Variants in YTHDF3 observed in about 807,000 individuals in gnomAD.
YTHDF3 encodes YTH N6-methyladenosine RNA binding protein F3.
A neutral mutation model predicts 52.5 loss-of-function variants in YTHDF3; 9 were observed. The ratio of observed to expected loss-of-function variants is 0.17; its 90% CI spans 0.10 to 0.30. YTHDF3 has a LOEUF of 0.30. Ranked by LOEUF, YTHDF3 falls within the 10% of genes least tolerant of loss-of-function variation. The probability of loss-of-function intolerance (pLI) is 1.00; values close to 1 mark genes in which losing one functional copy is unlikely to be tolerated. For synonymous variants in YTHDF3, 274 were observed against 243.3 expected, an observed-to-expected ratio of 1.13 and a Z score of -1.18; for missense variants, 534 against 715.0, an observed-to-expected ratio of 0.75 and a Z score of 2.89.
chr8:63,209,623 T>C (rs1365439751), intron 4 of YTHDF3, 60 bp from the exon 5 acceptor site: 1 of 1,466,328 alleles, frequency 6.8e-7, no homozygotes, highest in Non-Finnish European at 9.1e-7. Context: ...TTTAAATCTT[T>C]AAATAATGAG....
chr8:63,173,213 T>TATATATATATATATATATAC (rs947970396), intron 2 of YTHDF3, among the ~76,000 whole-genome samples: 7 of 146,102 alleles, frequency 4.8e-5, no homozygotes, highest in African/African-American at 1.9e-4. Context: ...TATATATATA[T>TATATATATATATATATATAC]ACAGATAAAT....
intron 2 of YTHDF3, among the ~76,000 whole-genome samples, chr8:63,172,459 G>C (rs1807393552): frequency 1.3e-5 from 2 of 152,028 alleles, no homozygotes; most frequent in Admixed American, 1.3e-4. Flanking sequence ...GTTAAATTTG[G>C]CTAAGTTTTA....
rs546709337 is a variant in YTHDF3, at chr8:63,186,995, A to G, written c.984A>G (p.Pro328=). Residue 328 remains proline (P), a synonymous_variant, in exon 4 of 5, where the codon CCA becomes CCG. Transcript: ENST00000539294. ...AACAGCAGCCTCAACCACCACAACCACAGCAGCAACAAGGACCTCAGCCAC... is the reference window on the plus strand; with the variant it reads ...AACAGCAGCCTCAACCACCACAACCGCAGCAGCAACAAGGACCTCAGCCAC... ...LPQQQPQPPQ[P]QQQQGPQPQA... 47 of 1,613,654 alleles carry G rather than the reference A, an allele frequency of 2.9e-5. 2 individuals carry two copies. The South Asian group carries it at 4.9e-4, about 17-fold the overall frequency.
chr8:63,188,349 C>T (rs912765905), intron 4 of YTHDF3, among the ~76,000 whole-genome samples: 2 of 150,744 alleles, frequency 1.3e-5, no homozygotes, highest in Admixed American at 6.6e-5. Context: ...AATTTTTTTT[C>T]AGACAGGGTC....
chr8:63,198,454 A>G (rs1809379504), intron 4 of YTHDF3, among the ~76,000 whole-genome samples: 1 of 152,128 alleles, frequency 6.6e-6, no homozygotes, highest in African/African-American at 2.4e-5. Flanking sequence ...TTTAGTAGAG[A>G]TGGGGTTTCA....
At chr8:63,206,960 C>T (rs1413473358) in intron 4 of YTHDF3, among the ~76,000 whole-genome samples, 6 of 152,112 alleles carry the variant, frequency 3.9e-5, no homozygotes, top group Non-Finnish European at 1.5e-5. Context: ...GATAGTTGCT[C>T]ATTGTATACC....
intron 4 of YTHDF3, among the ~76,000 whole-genome samples, chr8:63,190,714 G>A (rs993898869): frequency 1.3e-5 from 2 of 152,062 alleles, no homozygotes; most frequent in African/African-American, 4.8e-5. Flanking sequence ...TCTCACTTCC[G>A]TTTTCTGTAT....
chr8:63,203,882 A>T (rs1449748028), intron 4 of YTHDF3, among the ~76,000 whole-genome samples: 2 of 152,228 alleles, frequency 1.3e-5, no homozygotes, highest in Admixed American at 6.5e-5. Flanking sequence ...GAAGTATACC[A>T]CAGAAGTGAT....
intron 4 of YTHDF3, among the ~76,000 whole-genome samples, chr8:63,194,700 A>G (rs1429635977): frequency 6.6e-6 from 1 of 152,146 alleles, no homozygotes. Context: ...CATAACCACA[A>G]TATTCTGTCA....
At position 63,209,901 on chromosome 8, in the gene YTHDF3, G is replaced by C; in HGVS notation, c.*195G>C. On this transcript the variant is annotated 3_prime_UTR_variant, in exon 5 of 5. Coordinates refer to ENST00000539294, the MANE Select transcript of YTHDF3 (RefSeq NM_152758.6). ...CTTATACTCTTCACCAAACACACTT[G>C]AGAACTGTAACTTCGTCAAGCACTT... The C allele has an allele frequency of 2.0e-6, 1 of 508,128 alleles. No individual in the cohort carries two copies. Among genetic ancestry groups the C allele is most frequent in the Non-Finnish European group, 3.4e-6 (1 of 294,894 alleles). The allele number at this position is 508,128 out of a possible 1,614,324, so 31.5% of individuals were successfully genotyped here.
chr8:63,193,315 G>T (rs1282535131), intron 4 of YTHDF3, among the ~76,000 whole-genome samples: 1 of 144,532 alleles, frequency 6.9e-6, no homozygotes, highest in Non-Finnish European at 1.5e-5. Context: ...GAGGTGGATT[G>T]CAGTAAGCCA....
intron 4 of YTHDF3, among the ~76,000 whole-genome samples, chr8:63,194,086 G>A (rs989848577): frequency 8.6e-5 from 13 of 152,040 alleles, no homozygotes; most frequent in African/African-American, 2.9e-4. Context: ...TAGGAAAATG[G>A]CCAAATATAT....
intron 4 of YTHDF3, among the ~76,000 whole-genome samples, chr8:63,189,703 T>A (rs976098369): frequency 6.6e-6 from 1 of 152,212 alleles, no homozygotes; most frequent in Admixed American, 6.5e-5. Context: ...TTGGGGTGTT[T>A]ATTGAAATTG....
chr8:63,174,420 A>G (rs1807550514), intron 2 of YTHDF3, among the ~76,000 whole-genome samples: 1 of 152,248 alleles, frequency 6.6e-6, no homozygotes, highest in South Asian at 2.1e-4. Context: ...TTTAATAATC[A>G]GATGAGATGA....
At chr8:63,204,072 C>T (rs1363561831) in intron 4 of YTHDF3, among the ~76,000 whole-genome samples, 1 of 152,160 alleles carries the variant, frequency 6.6e-6, no homozygotes, top group Admixed American at 6.5e-5. Context: ...CCCCACCTAC[C>T]GCAAAGAGGA....
rs1186727270 is a variant in YTHDF3 at position 63,186,571 on chromosome 8, T to C, written c.560T>C (p.Ile187Thr). 2 of 1,613,850 alleles carry C rather than the reference T, an allele frequency of 1.2e-6. No individual in the cohort carries two copies. Among genetic ancestry groups the C allele is most frequent in the African/African-American group, 2.7e-5 (2 of 74,908 alleles). ...TLSKVPGISS[I>T]EQGMTGLKIG... ...AGTAAGGTGCCTGGCATTAGCAGTA[T>C]TGAGCAAGGCATGACTGGACTGAAA... Residue 187 changes from isoleucine (I) to threonine (T), a missense_variant, in exon 4 of 5, where the codon ATT (isoleucine) becomes ACT (threonine). Ile to Thr is a moderately conservative substitution (Grantham distance 89, BLOSUM62 -1). Transcript: ENST00000539294.
intron 4 of YTHDF3, among the ~76,000 whole-genome samples, chr8:63,194,410 G>A (rs908781999): frequency 6.6e-6 from 1 of 152,130 alleles, no homozygotes; most frequent in Non-Finnish European, 1.5e-5. Context: ...ACTTGAACCC[G>A]GTAGGCAGAG....
At chr8:63,202,618 C>T (rs1160004480) in intron 4 of YTHDF3, among the ~76,000 whole-genome samples, 1 of 152,022 alleles carries the variant, frequency 6.6e-6, no homozygotes, top group Admixed American at 6.5e-5. Context: ...CCCGCCACCA[C>T]ACCCAGCTAA....
intron 3 of YTHDF3, among the ~76,000 whole-genome samples, chr8:63,176,133 G>A (rs1273008380): frequency 6.6e-6 from 1 of 152,012 alleles, no homozygotes; most frequent in East Asian, 1.9e-4. Flanking sequence ...CTAAAAATAA[G>A]CCACTGATAG....
Sources: gnomAD v4.1 joint callset for allele counts (sites outside exome capture counted in the v4.1 genomes callset) on GRCh38, gnomAD v4.1.1 for gene constraint, MANE v1.5 for transcripts, NCBI Gene and HGNC (gene_info 2026-07-23, HGNC 2026-07-21) for gene names.